The following CNTN4 variants were observed in gnomAD, a reference collection of about 807,000 sequenced individuals.
The protein encoded by CNTN4 is contactin 4, also known as contactin-4.
CNTN4 carries 77 observed loss-of-function variants against 122.5 expected under a neutral mutation model. The ratio of observed to expected loss-of-function variants is 0.63; its 90% CI spans 0.52 to 0.76. The LOEUF (loss-of-function observed/expected upper bound fraction) is 0.76. CNTN4 is among the 30% of genes least tolerant of loss of function. The pLI is 0.00. For missense variants in CNTN4, 1,256 were observed against 1,259.1 expected, an observed-to-expected ratio of 1.00 and a Z score of 0.04; for synonymous variants, 512 against 447.0, an observed-to-expected ratio of 1.15 and a Z score of -1.83.
chr3:2,949,693 C>T (rs1384494530), intron 13 of CNTN4, among the ~76,000 whole-genome samples: 1 of 152,194 alleles, frequency 6.6e-6, no homozygotes, highest in Non-Finnish European at 1.5e-5. Flanking sequence ...GCTGTCCTTT[C>T]CAAGCCCTAT....
intron 13 of CNTN4, among the ~76,000 whole-genome samples, chr3:2,939,616 G>A (rs2094595615): frequency 6.6e-6 from 1 of 152,186 alleles, no homozygotes. Context: ...GCAGCTCTGT[G>A]TAAGATGCAT....
In CNTN4 at chr3:2,169,437, G is replaced by C. The variant is rs534386650; in HGVS notation, c.-145+68798G>C. Among the ~76,000 whole-genome samples the C allele has an allele frequency of 3.5e-3, 506 of 142,908 alleles. 3 individuals are homozygous for C. The highest frequency in any genetic ancestry group is 0.014 in the Middle Eastern group (4 of 286). 93.8% of individuals were successfully genotyped at this position (142,908 alleles called of 152,430 possible). ...ACTTTTTTTTTTTGAGACGGAGTCTGGCTCTGTCACTCAGGCTGGAGTGCG... is the reference window on the plus strand; with the variant it reads ...ACTTTTTTTTTTTGAGACGGAGTCTCGCTCTGTCACTCAGGCTGGAGTGCG... On this transcript the variant is annotated intron_variant, in intron 2 of 24. Coordinates refer to ENST00000418658, the MANE Select transcript of CNTN4 (RefSeq NM_175607.3).
chr3:2,663,477 G>A (rs2084003759), intron 4 of CNTN4, among the ~76,000 whole-genome samples: 1 of 150,186 alleles, frequency 6.7e-6, no homozygotes, highest in Non-Finnish European at 1.5e-5. Context: ...ATTGGGAAAG[G>A]AATTTGGTAA....
At chr3:3,018,161 A>G (rs1263805421) in intron 14 of CNTN4, among the ~76,000 whole-genome samples, 1 of 152,218 alleles carries the variant, frequency 6.6e-6, no homozygotes, top group Non-Finnish European at 1.5e-5. Flanking sequence ...TATTCTCTAA[A>G]AACTAAATAT....
At chr3:2,260,764 G>A in intron 2 of CNTN4, among the ~76,000 whole-genome samples, 1 of 146,690 alleles carries the variant, frequency 6.8e-6, no homozygotes, top group East Asian at 2.0e-4. Flanking sequence ...CTCGCTCTCT[G>A]TCATCCAGGC....
At chr3:2,449,891 T>A (rs1363109129) in intron 3 of CNTN4, among the ~76,000 whole-genome samples, 3 of 152,064 alleles carry the variant, frequency 2.0e-5, no homozygotes. Flanking sequence ...TTATCTAAAA[T>A]AGTTACACTC....
intron 2 of CNTN4, among the ~76,000 whole-genome samples, chr3:2,238,644 G>T (rs1312988237): frequency 6.6e-6 from 1 of 151,046 alleles, no homozygotes; most frequent in Admixed American, 6.6e-5. Flanking sequence ...TTAAAAATCC[G>T]AATGTTGCCA....
At chr3:2,368,108 C>T (rs1299970507) in intron 3 of CNTN4, among the ~76,000 whole-genome samples, 2 of 149,352 alleles carry the variant, frequency 1.3e-5, no homozygotes, top group Non-Finnish European at 3.0e-5. Flanking sequence ...TCTCGGCTCA[C>T]TGCAAGCTCT....
At chr3:2,664,174 T>G (rs919872821) in intron 4 of CNTN4, among the ~76,000 whole-genome samples, 1 of 152,202 alleles carries the variant, frequency 6.6e-6, no homozygotes, top group Non-Finnish European at 1.5e-5. Context: ...GTGTATGAAC[T>G]ATATCTCAAA....
intron 2 of CNTN4, among the ~76,000 whole-genome samples, chr3:2,230,674 T>C (rs1419557679): frequency 3.9e-5 from 6 of 152,200 alleles, no homozygotes; most frequent in African/African-American, 1.4e-4. Flanking sequence ...GTTATGTGTC[T>C]GCACTGTTTA....
At chr3:2,408,686 C>G (rs2047122047) in intron 3 of CNTN4, among the ~76,000 whole-genome samples, 1 of 152,112 alleles carries the variant, frequency 6.6e-6, no homozygotes, top group African/African-American at 2.4e-5. Flanking sequence ...TCAATATGTG[C>G]TATCTCATAA....
intron 2 of CNTN4, among the ~76,000 whole-genome samples, chr3:2,154,389 A>T (rs1021873669): frequency 2.6e-5 from 4 of 152,048 alleles, no homozygotes; most frequent in Non-Finnish European, 5.9e-5. Context: ...CAAAAAAAAA[A>T]AAAATAAAAG....
chr3:2,945,265 C>A (rs1392834937), intron 13 of CNTN4, among the ~76,000 whole-genome samples: 1 of 152,138 alleles, frequency 6.6e-6, no homozygotes, highest in East Asian at 1.9e-4. Flanking sequence ...CTTATGTTAG[C>A]CAATTAGTCT....
At chr3:2,464,199 C>G (rs2075417110) in intron 3 of CNTN4, among the ~76,000 whole-genome samples, 1 of 152,110 alleles carries the variant, frequency 6.6e-6, no homozygotes, top group Non-Finnish European at 1.5e-5. Context: ...GTCCAATATG[C>G]CTGGATTATG....
chr3:2,103,518 G>A (rs909875552), intron 2 of CNTN4, among the ~76,000 whole-genome samples: 5 of 152,034 alleles, frequency 3.3e-5, no homozygotes, highest in Non-Finnish European at 4.4e-5. Flanking sequence ...GGAGTCTTGC[G>A]CTACCACTTT....
chr3:2,313,040 G>A (rs1477003639), intron 2 of CNTN4, among the ~76,000 whole-genome samples: 1 of 151,946 alleles, frequency 6.6e-6, no homozygotes, highest in Non-Finnish European at 1.5e-5. Flanking sequence ...TAAATAAAAT[G>A]AAGTAATGTT....
At chr3:2,908,228 G>A (rs564656027) in intron 12 of CNTN4, among the ~76,000 whole-genome samples, 77 of 152,188 alleles carry the variant, frequency 5.1e-4, no homozygotes, top group Non-Finnish European at 9.6e-4. Context: ...AAAAAGTAAA[G>A]ATAACTAAGT....
At chr3:2,996,701 A>G (rs1350682957) in intron 14 of CNTN4, among the ~76,000 whole-genome samples, 2 of 152,208 alleles carry the variant, frequency 1.3e-5, no homozygotes, top group African/African-American at 4.8e-5. Context: ...AATAAGAAAT[A>G]TATTGAAGCT....
At chr3:2,769,478 A>AAT (rs397988488) in intron 6 of CNTN4, among the ~76,000 whole-genome samples, 1 of 151,084 alleles carries the variant, frequency 6.6e-6, no homozygotes, top group African/African-American at 2.4e-5. Context: ...AAAAAAAAAA[A>AAT]CAGAAACAAA....
Sources: allele counts gnomAD v4.1 joint callset (sites outside exome capture counted in the v4.1 genomes callset), GRCh38; gene constraint gnomAD v4.1.1; transcripts MANE v1.5; gene names NCBI Gene and HGNC (gene_info 2026-07-23, HGNC 2026-07-21).